Variants in PHC3 observed in about 807,000 individuals in gnomAD.
The protein encoded by PHC3 is polyhomeotic homolog 3, also known as polyhomeotic-like protein 3.
A neutral mutation model predicts 107.4 loss-of-function variants in PHC3; 13 were observed. That is an observed-to-expected ratio of 0.12 (90% confidence interval 0.08 to 0.19). PHC3 has a LOEUF of 0.19. PHC3 is among the 10% of genes least tolerant of loss of function. The pLI, the probability that PHC3 is intolerant of heterozygous loss-of-function variation, is 1.00. For missense variants in PHC3, 992 were observed against 1,210.9 expected (o/e 0.82, Z 2.68); for synonymous variants, 456 against 427.4 (o/e 1.07, Z -0.83).
chr3:170,122,180 T>C (rs141424305), intron 9 of PHC3, among the ~76,000 whole-genome samples: 10 of 152,308 alleles, frequency 6.6e-5, no homozygotes, highest in African/African-American at 2.2e-4. Flanking sequence ...GCCCAGGAGA[T>C]AGGGGCTACA....
chr3:170,126,885 A>G (rs941850578), intron 8 of PHC3, among the ~76,000 whole-genome samples: 22 of 151,916 alleles, frequency 1.4e-4, no homozygotes, highest in African/African-American at 4.8e-4. Context: ...TTCCCCTAAC[A>G]TAAACAATTA....
At chr3:170,129,903 T>A (rs1465003703) in intron 7 of PHC3, among the ~76,000 whole-genome samples, 1 of 152,170 alleles carries the variant, frequency 6.6e-6, no homozygotes, top group African/African-American at 2.4e-5. Context: ...TTTCACCACG[T>A]TGGCCAGGCT....
At chr3:170,100,169 A>G (rs1304877869) in intron 14 of PHC3, among the ~76,000 whole-genome samples, 1 of 152,200 alleles carries the variant, frequency 6.6e-6, no homozygotes, top group Non-Finnish European at 1.5e-5. Context: ...TGCCCTGGTT[A>G]AAGAGGGAAG....
chr3:170,135,547 T>C (rs1265200449), intron 7 of PHC3, among the ~76,000 whole-genome samples: 2 of 151,916 alleles, frequency 1.3e-5, no homozygotes, highest in African/African-American at 4.8e-5. Flanking sequence ...GTTATAGTGA[T>C]TTAGAAAACT....
chr3:170,178,559 C>A (rs923174411), intron 2 of PHC3, among the ~76,000 whole-genome samples: 2 of 152,218 alleles, frequency 1.3e-5, no homozygotes, highest in African/African-American at 2.4e-5. Flanking sequence ...GACTTCCCAG[C>A]TTCCAGAAAT....
Position 170,097,176 on chromosome 3 carries a change from C to A in PHC3, c.*54G>T. 6.5e-7 allele frequency: 1 copy of A among 1,538,080 alleles called. No individual in the cohort carries two copies. Among genetic ancestry groups the A allele is most frequent in the Non-Finnish European group, 8.8e-7 (1 of 1,133,052 alleles). On this transcript the variant is annotated 3_prime_UTR_variant, in exon 15 of 15. Coordinates refer to ENST00000495893, the MANE Select transcript of PHC3 (RefSeq NM_024947.4). The surrounding 1 kb of genome is among the most constrained non-coding windows in gnomAD (Gnocchi z 4.1). ...TAGACCAAGTTAGGCCTTTACCTTA[C>A]AAGTTTTTGTGAGAAAAGTAAAACT...
chr3:170,087,631 T>G lies in PHC3; in HGVS notation c.*9599A>C, dbSNP rs1438841881. 1.3e-5 allele frequency: 2 copies of G among 152,160 alleles called. No individual in the cohort carries two copies. Among genetic ancestry groups the G allele is most frequent in the South Asian group, 2.1e-4 (1 of 4,830 alleles). The allele number at this position is 152,160 out of a possible 1,614,324, so 9.4% of individuals were successfully genotyped here. On this transcript the variant is annotated 3_prime_UTR_variant, in exon 15 of 15. Coordinates refer to ENST00000495893, the MANE Select transcript of PHC3 (RefSeq NM_024947.4). Reference sequence around the variant, plus strand: ...TGTAAAGAAATGAACTTACAACTGATCTACAATATATTATTGTAATATAAA... The same window carrying G: ...TGTAAAGAAATGAACTTACAACTGAGCTACAATATATTATTGTAATATAAA...
rs562648420 is a variant in PHC3 at position 170,137,273 on chromosome 3, A to G, written c.673-608T>C. ...TTGAAAACTACATCTCATGAACTGAAAAGACTCTGCATGACCCTGAAATGG... is the reference window on the plus strand; with the variant it reads ...TTGAAAACTACATCTCATGAACTGAGAAGACTCTGCATGACCCTGAAATGG... On this transcript the variant is annotated intron_variant, in intron 6 of 14. Coordinates refer to ENST00000495893, the MANE Select transcript of PHC3 (RefSeq NM_024947.4). 1.1e-3 allele frequency among the ~76,000 whole-genome samples: 161 copies of G among 152,274 alleles called. 1 individual carries two copies. Among genetic ancestry groups the G allele is most frequent in the African/African-American group, 3.5e-3 (144 of 41,560 alleles).
intron 4 of PHC3, chr3:170,170,123 T>C (rs1729362700): frequency 6.6e-6 from 1 of 151,344 alleles, no homozygotes; most frequent in Admixed American, 6.6e-5. Flanking sequence ...GACCACAGCA[T>C]GTAGTTAGCA....
In PHC3 at chr3:170,093,385, C is replaced by A. The variant is rs1350624183; in HGVS notation, c.*3845G>T. The A allele has an allele frequency of 3.3e-5, 5 of 152,170 alleles. No homozygotes were observed. Among genetic ancestry groups the A allele is most frequent in the Non-Finnish European group, 7.3e-5 (5 of 68,034 alleles). 9.4% of individuals were successfully genotyped at this position (152,170 alleles called of 1,614,324 possible). A position where few individuals can be genotyped will look rare whatever the true frequency, so the allele number is the denominator to read the frequency against. On this transcript the variant is annotated 3_prime_UTR_variant, in exon 15 of 15. Coordinates refer to ENST00000495893, the MANE Select transcript of PHC3 (RefSeq NM_024947.4). Reference sequence around the variant, plus strand: ...TCAATGCCAGTAGGCTGCATGTGTTCCTGCAATCCACCAAGGTGAAAACCA... The same window carrying A: ...TCAATGCCAGTAGGCTGCATGTGTTACTGCAATCCACCAAGGTGAAAACCA...
At chr3:170,107,219 T>TAA (rs35837798) in intron 11 of PHC3, among the ~76,000 whole-genome samples, 2 of 151,478 alleles carry the variant, frequency 1.3e-5, no homozygotes, top group African/African-American at 4.9e-5. Flanking sequence ...ATCTAAAATG[T>TAA]AAAAAAAAAT....
In PHC3 at chr3:170,110,928, AC is replaced by A. The variant is rs537683605; in HGVS notation, c.2353+2431del. On this transcript the variant is annotated intron_variant, in intron 11 of 14. Coordinates refer to ENST00000495893, the MANE Select transcript of PHC3 (RefSeq NM_024947.4). The stretch of plus-strand genomic sequence containing the variant: ...AGATATAGGCCAAGAAAAAAAGAAT[AC>A]CTGCACATTCTTTGTTACTTTTCAC... Among the ~76,000 whole-genome samples, 12 of 152,294 alleles carry A rather than the reference AC, an allele frequency of 7.9e-5. No individual in the cohort carries two copies. In the East Asian group the frequency reaches 2.3e-3, roughly 29 times the overall value.
intron 6 of PHC3, among the ~76,000 whole-genome samples, chr3:170,144,867 AAAC>A (rs1395602383): frequency 7.2e-5 from 11 of 152,048 alleles, no homozygotes; most frequent in African/African-American, 2.7e-4. Context: ...CACCACACTT[AAAC>A]AATTTTTTTT....
At chr3:170,106,790 CTATT>C (rs781314976) in intron 12 of PHC3, 38 bp downstream of exon 12, 77 of 1,448,508 alleles carry the variant, frequency 5.3e-5, no homozygotes, top group Non-Finnish European at 7.2e-5. Flanking sequence ...GTTGCAATGG[CTATT>C]TATCTGTCCT....
At chr3:170,105,663 C>G (rs1716359556) in intron 12 of PHC3, among the ~76,000 whole-genome samples, 1 of 152,128 alleles carries the variant, frequency 6.6e-6, no homozygotes, top group Admixed American at 6.6e-5. Context: ...TAGAACCATT[C>G]CAATTCTCTT....
chr3:170,166,658 CG>C (rs1728795614), intron 4 of PHC3, among the ~76,000 whole-genome samples: 1 of 148,494 alleles, frequency 6.7e-6, no homozygotes, highest in African/African-American at 2.4e-5. Context: ...TGAAAGGGTA[CG>C]CACAGATTAT....
intron 5 of PHC3, chr3:170,147,524 C>G (rs1258868970): frequency 6.6e-6 from 1 of 152,158 alleles, no homozygotes; most frequent in Non-Finnish European, 1.5e-5. Flanking sequence ...AAAATAGCTG[C>G]ATCTGCATTG....
chr3:170,117,992 G>A (rs902033809), intron 9 of PHC3, among the ~76,000 whole-genome samples: 5 of 152,092 alleles, frequency 3.3e-5, no homozygotes, highest in Non-Finnish European at 4.4e-5. Context: ...CAGCCTGGGC[G>A]ACAAGAGTGA....
chr3:170,123,627 T>TA (rs1455637189), intron 8 of PHC3, among the ~76,000 whole-genome samples: 4 of 151,304 alleles, frequency 2.6e-5, no homozygotes, highest in South Asian at 4.2e-4. Flanking sequence ...TACCTCTACT[T>TA]AAAAAAATAC....
Sources: gnomAD v4.1 joint callset for allele counts (sites outside exome capture counted in the v4.1 genomes callset) on GRCh38, gnomAD v4.1.1 for gene constraint, Gnocchi (gnomAD v3.1) non-coding constraint, MANE v1.5 for transcripts, NCBI Gene and HGNC (gene_info 2026-07-23, HGNC 2026-07-21) for gene names.